The following KCNK1 variants were observed in gnomAD, a reference collection of about 807,000 sequenced individuals.
KCNK1 encodes potassium channel subfamily K member 1.
In KCNK1, 10 loss-of-function variants were observed where a neutral mutation model predicts 22.2. That is an observed-to-expected ratio of 0.45 (90% CI 0.28 to 0.76). The LOEUF is 0.76. Ranked by LOEUF, KCNK1 falls within the 30% of genes least tolerant of loss-of-function variation. The pLI is 0.14. For synonymous variants in KCNK1, 200 were observed against 186.4 expected (o/e 1.07, Z -0.60); for missense variants, 378 against 421.0 (o/e 0.90, Z 0.89).
At chr1:233,641,048 G>A (rs191808180) in intron 1 of KCNK1, among the ~76,000 whole-genome samples, 152 of 152,206 alleles carry the variant, frequency 1.0e-3, no homozygotes, top group Non-Finnish European at 1.9e-3. Context: ...CGAGGGTGTC[G>A]GTCTAAATTG....
intron 1 of KCNK1, among the ~76,000 whole-genome samples, chr1:233,654,202 G>T (rs192948228): frequency 3.3e-5 from 5 of 151,822 alleles, no homozygotes; most frequent in Admixed American, 2.0e-4. Flanking sequence ...CCATCGGGGT[G>T]GGGGGGAAAG....
chr1:233,634,318 CAAAAAA>C (rs57277108), intron 1 of KCNK1, among the ~76,000 whole-genome samples: 3 of 140,498 alleles, frequency 2.1e-5, no homozygotes, highest in Admixed American at 7.1e-5. Flanking sequence ...ACAACAACAA[CAAAAAA>C]AAAAAAAAAG....
chr1:233,657,714 A>AAGAG (rs796568736), intron 1 of KCNK1, among the ~76,000 whole-genome samples: 5 of 151,770 alleles, frequency 3.3e-5, no homozygotes, highest in Middle Eastern at 3.4e-3. Context: ...TAAAGAAAGA[A>AAGAG]AGAGAGAGAG....
At chr1:233,658,683 C>T (rs1188509580) in intron 1 of KCNK1, among the ~76,000 whole-genome samples, 2 of 152,178 alleles carry the variant, frequency 1.3e-5, no homozygotes, top group African/African-American at 4.8e-5. Context: ...GCATATTGCT[C>T]TAGGTTACAA....
chr1:233,640,683 T>C (rs1306936203), intron 1 of KCNK1, among the ~76,000 whole-genome samples: 1 of 152,114 alleles, frequency 6.6e-6, no homozygotes, highest in Non-Finnish European at 1.5e-5. Context: ...CAGGTCTGGC[T>C]CTTGTGCTAT....
intron 1 of KCNK1, among the ~76,000 whole-genome samples, chr1:233,644,749 C>G (rs1658062216): frequency 6.6e-6 from 1 of 151,980 alleles, no homozygotes; most frequent in South Asian, 2.1e-4. Flanking sequence ...CCCTTCTGTC[C>G]AGAGGGATGT....
At chr1:233,653,964 G>A (rs907205569) in intron 1 of KCNK1, among the ~76,000 whole-genome samples, 11 of 152,054 alleles carry the variant, frequency 7.2e-5, no homozygotes, top group African/African-American at 2.4e-4. Context: ...GAAAGAGTTC[G>A]GAGGTGCACA....
chr1:233,656,372 G>A (rs767069697), intron 1 of KCNK1, among the ~76,000 whole-genome samples: 1 of 152,282 alleles, frequency 6.6e-6, no homozygotes, highest in South Asian at 2.1e-4. Flanking sequence ...AGGGTGGTGC[G>A]TAAACCCAGT....
At chr1:233,645,977 C>A (rs1158769081) in intron 1 of KCNK1, among the ~76,000 whole-genome samples, 1 of 152,092 alleles carries the variant, frequency 6.6e-6, no homozygotes, top group Non-Finnish European at 1.5e-5. Context: ...AATACTGTTA[C>A]CTGAAATGAG....
chr1:233,649,289 G>A (rs958071688), intron 1 of KCNK1, among the ~76,000 whole-genome samples: 6 of 152,176 alleles, frequency 3.9e-5, no homozygotes, highest in African/African-American at 1.4e-4. Context: ...CTCAGCAAGT[G>A]CTTAAGTATC....
intron 1 of KCNK1, among the ~76,000 whole-genome samples, chr1:233,650,595 A>G (rs907366575): frequency 6.6e-6 from 1 of 152,182 alleles, no homozygotes; most frequent in Non-Finnish European, 1.5e-5. Context: ...CAGCGTCTGT[A>G]CTAAATGTTT....
intron 2 of KCNK1, among the ~76,000 whole-genome samples, chr1:233,667,721 C>T (rs1280512393): frequency 1.9e-5 from 2 of 108,096 alleles, no homozygotes; most frequent in Non-Finnish European, 1.8e-5. Context: ...CAGAGCGAGA[C>T]TCCGTCTCAA....
chr1:233,616,539 C>G (rs903088642), intron 1 of KCNK1, among the ~76,000 whole-genome samples: 1 of 151,976 alleles, frequency 6.6e-6, no homozygotes, highest in Admixed American at 6.6e-5. Context: ...TGTATTCATG[C>G]AAAACAAGTG....
intron 1 of KCNK1, among the ~76,000 whole-genome samples, chr1:233,618,270 GA>G (rs1474553651): frequency 1.3e-5 from 2 of 152,084 alleles, no homozygotes; most frequent in Non-Finnish European, 2.9e-5. Context: ...GGAATCTTAT[GA>G]GAATGAGTGA....
Position 233,653,438 on chromosome 1 carries a change from A to G in KCNK1, c.356-13157A>G, listed in dbSNP as rs1658233734. ...TGTTGTGTCAATTTGACTGGGCTAG[A>G]GGATGCCCAGGTAGCTGGTAAAACA... On this transcript the variant is annotated intron_variant, in intron 1 of 2. Coordinates refer to ENST00000366621, the MANE Select transcript of KCNK1 (RefSeq NM_002245.4). 3.4e-5 allele frequency among the ~76,000 whole-genome samples: 5 copies of G among 149,054 alleles called. No individual in the cohort carries two copies. The South Asian group carries it at 1.1e-3, about 31-fold the overall frequency.
chr1:233,614,600 C>A, intron 1 of KCNK1, 74 bp downstream of exon 1: 1 of 1,245,496 alleles, frequency 8.0e-7, no homozygotes, highest in Non-Finnish European at 1.1e-6. Context: ...CCCCGGCGCC[C>A]CGGGCCCCTC....
intron 1 of KCNK1, among the ~76,000 whole-genome samples, chr1:233,636,263 TC>T: frequency 6.6e-6 from 1 of 152,196 alleles, no homozygotes; most frequent in East Asian, 1.9e-4. Flanking sequence ...ATCCTTGTTT[TC>T]TTAGGGTTGC....
chr1:233,619,216 T>A (rs1349828232), intron 1 of KCNK1, among the ~76,000 whole-genome samples: 2 of 151,832 alleles, frequency 1.3e-5, no homozygotes, highest in Non-Finnish European at 2.9e-5. Flanking sequence ...GAGAGCGTGG[T>A]CTTGCTTTGT....
intron 1 of KCNK1, among the ~76,000 whole-genome samples, chr1:233,651,190 GT>G (rs1220024726): frequency 1.3e-5 from 2 of 152,170 alleles, no homozygotes; most frequent in African/African-American, 4.8e-5. Flanking sequence ...TGGGTAAAGT[GT>G]GCCCAACTGT....
Sources: gnomAD v4.1 joint callset for allele counts (sites outside exome capture counted in the v4.1 genomes callset) on GRCh38, gnomAD v4.1.1 for gene constraint, MANE v1.5 for transcripts, NCBI Gene and HGNC (gene_info 2026-07-23, HGNC 2026-07-21) for gene names.